The following TRIO variants were observed in gnomAD, a reference collection of about 807,000 sequenced individuals.
TRIO encodes trio Rho guanine nucleotide exchange factor, also known as triple functional domain protein.
A neutral mutation model predicts 351.9 loss-of-function variants in TRIO; 58 were observed. The ratio of observed to expected loss-of-function variants is 0.16; its 90% CI spans 0.13 to 0.21. The LOEUF (loss-of-function observed/expected upper bound fraction) is 0.21, where lower values mean the gene tolerates loss of function less well. Ranked by LOEUF, TRIO falls within the 10% of genes least tolerant of loss-of-function variation. The pLI, the probability that TRIO is intolerant of heterozygous loss-of-function variation, is 1.00. For synonymous variants in TRIO, 1,758 were observed against 1,595.7 expected (o/e 1.10, Z -2.42); for missense variants, 3,201 against 4,027.8 (o/e 0.79, Z 5.56).
chr5:14,317,777 C>T (rs1246746667), intron 9 of TRIO, among the ~76,000 whole-genome samples: 7 of 151,864 alleles, frequency 4.6e-5, no homozygotes, highest in South Asian at 2.1e-4. Context: ...GATCGCTTGA[C>T]GCCAGGAGTT....
intron 20 of TRIO, among the ~76,000 whole-genome samples, chr5:14,380,266 CCCCG>C: frequency 3.5e-5 from 1 of 28,786 alleles, no homozygotes; most frequent in Non-Finnish European, 7.2e-5. Flanking sequence ...CTTCCCGGCG[CCCCG>C]CCTCCTCCTT....
chr5:14,278,550 A>G (rs2152275213), intron 2 of TRIO, among the ~76,000 whole-genome samples: 1 of 152,362 alleles, frequency 6.6e-6, no homozygotes, highest in East Asian at 1.9e-4. Flanking sequence ...TAGGTACTGT[A>G]TTTTTAATAA....
chr5:14,409,851 A>G (rs1749048994), intron 33 of TRIO, among the ~76,000 whole-genome samples: 2 of 151,088 alleles, frequency 1.3e-5, no homozygotes, highest in African/African-American at 4.9e-5. Context: ...AAAAAAAAAA[A>G]AAGAAATCCC....
chr5:14,322,946 A>G (rs1740019150), intron 9 of TRIO, among the ~76,000 whole-genome samples: 1 of 152,150 alleles, frequency 6.6e-6, no homozygotes. Context: ...GTGGGTCTAG[A>G]GCCAGCTCCT....
intron 1 of TRIO, among the ~76,000 whole-genome samples, chr5:14,224,269 A>C (rs769688081): frequency 6.6e-6 from 1 of 152,108 alleles, no homozygotes; most frequent in East Asian, 1.9e-4. Context: ...TTTAAGTAGA[A>C]ATTCCTGCAT....
At chr5:14,374,394 A>T (rs1193524288) in intron 19 of TRIO, 51 bp downstream of exon 19, 3 of 1,408,406 alleles carry the variant, frequency 2.1e-6, no homozygotes, top group Non-Finnish European at 2.0e-6. Flanking sequence ...GCCTGGCAAG[A>T]GACAAAAGGA....
chr5:14,507,477 G>T (rs892171515), intron 56 of TRIO, among the ~76,000 whole-genome samples: 4 of 152,324 alleles, frequency 2.6e-5, no homozygotes, highest in Non-Finnish European at 5.9e-5. Flanking sequence ...AAACGCCGGA[G>T]CCCTCCCAGC....
chr5:14,223,598 C>G (rs994024063), intron 1 of TRIO, among the ~76,000 whole-genome samples: 11 of 152,242 alleles, frequency 7.2e-5, no homozygotes, highest in African/African-American at 2.4e-4. Flanking sequence ...CTTTCAAAAC[C>G]CCTTCTGATG....
At chr5:14,263,338 T>C (rs528538440) in intron 1 of TRIO, among the ~76,000 whole-genome samples, 1 of 152,294 alleles carries the variant, frequency 6.6e-6, no homozygotes, top group South Asian at 2.1e-4. Flanking sequence ...TCTCTGTGGT[T>C]GAGAGCCCCT....
At chr5:14,207,319 CACA>C (rs1478576000) in intron 1 of TRIO, among the ~76,000 whole-genome samples, 503 of 15,688 alleles carry the variant, frequency 0.032, 155 homozygotes, top group East Asian at 0.051. Flanking sequence ...GACTGTCTCT[CACA>C]CACACACACA....
intron 33 of TRIO, among the ~76,000 whole-genome samples, chr5:14,414,192 C>A (rs980409578): frequency 6.6e-6 from 1 of 152,300 alleles, no homozygotes; most frequent in Non-Finnish European, 1.5e-5. Flanking sequence ...CACTTCATAG[C>A]CAGAAAGCGT....
chr5:14,419,505 GT>G (rs776286652), intron 33 of TRIO, among the ~76,000 whole-genome samples: 1 of 151,962 alleles, frequency 6.6e-6, no homozygotes, highest in Non-Finnish European at 1.5e-5. Flanking sequence ...TTCAAGCAGA[GT>G]TTTTTTTAGT....
intron 1 of TRIO, among the ~76,000 whole-genome samples, chr5:14,261,911 A>G (rs1019425198): frequency 3.3e-5 from 5 of 152,240 alleles, no homozygotes; most frequent in Admixed American, 3.3e-4. Context: ...GTCACCAAAT[A>G]TACTAGACAG....
At chr5:14,232,999 A>G (rs1198338780) in intron 1 of TRIO, among the ~76,000 whole-genome samples, 3 of 152,136 alleles carry the variant, frequency 2.0e-5, no homozygotes, top group African/African-American at 7.2e-5. Context: ...TGATCAAAGC[A>G]TGGTTGAGGG....
chr5:14,339,520 T>C (rs1334045113), intron 11 of TRIO, among the ~76,000 whole-genome samples: 15 of 152,220 alleles, frequency 9.9e-5, no homozygotes, highest in Non-Finnish European at 2.1e-4. Context: ...GGATTTTTAG[T>C]GCAGTCTATG....
intron 21 of TRIO, among the ~76,000 whole-genome samples, chr5:14,384,345 A>T (rs1302158307): frequency 6.6e-6 from 1 of 152,258 alleles, no homozygotes; most frequent in Admixed American, 6.5e-5. Flanking sequence ...GTCTAAGAAA[A>T]TGATGAGCAA....
Position 14,388,688 on chromosome 5 carries a change from G to GTTTT in TRIO, c.3948+24_3948+27dup, listed in dbSNP as rs57751910. ...TCCGGGAATGTATGGATGTAAGTAAGTTTTTTTTTTTTTTTTTTGCTTGTT... is the reference window on the plus strand; with the variant it reads ...TCCGGGAATGTATGGATGTAAGTAAGTTTTTTTTTTTTTTTTTTTTTTGCTTGTT... On this transcript the variant is annotated intron_variant, in intron 24 of 56. Transcript: ENST00000344204. The GTTTT allele has an allele frequency of 5.2e-4, 744 of 1,438,828 alleles. No homozygotes were observed. Among genetic ancestry groups the GTTTT allele is most frequent in the South Asian group, 1.3e-3 (99 of 74,456 alleles). The allele number at this position is 1,438,828 out of a possible 1,614,324, so 89.1% of individuals were successfully genotyped here. A position where few individuals can be genotyped will look rare whatever the true frequency, so the allele number is the denominator to read the frequency against.
At chr5:14,285,503 A>T (rs1195355447) in intron 3 of TRIO, among the ~76,000 whole-genome samples, 1 of 151,982 alleles carries the variant, frequency 6.6e-6, no homozygotes, top group African/African-American at 2.4e-5. Flanking sequence ...CTGAATCAAG[A>T]TATAGAAGGG....
chr5:14,330,480 T>A lies in TRIO; in HGVS notation c.1732-298T>A, dbSNP rs755439679. 7.5e-4 allele frequency among the ~76,000 whole-genome samples: 115 copies of A among 152,334 alleles called. 1 individual carries two copies. The highest frequency in any genetic ancestry group is 3.4e-3 in the Middle Eastern group (1 of 294). ...GTCAGTTTGGTGGCCCAGTGGTGCA[T>A]AGATAAGTTGAGATTTAATTTAATC... On this transcript the variant is annotated intron_variant, in intron 9 of 56. Coordinates refer to ENST00000344204, the MANE Select transcript of TRIO (RefSeq NM_007118.4).
Sources: gnomAD v4.1 joint callset for allele counts (sites outside exome capture counted in the v4.1 genomes callset) on GRCh38, gnomAD v4.1.1 for gene constraint, MANE v1.5 for transcripts, NCBI Gene and HGNC (gene_info 2026-07-23, HGNC 2026-07-21) for gene names.